Variants in NRCAM observed in about 807,000 individuals in gnomAD.
NRCAM encodes neuronal cell adhesion molecule.
NRCAM carries 83 observed loss-of-function variants against 156.5 expected under a neutral mutation model. The observed-to-expected ratio is 0.53, with a 90% confidence interval of 0.44 to 0.64. The LOEUF is 0.64. NRCAM is among the 30% of genes least tolerant of loss of function. The probability of loss-of-function intolerance (pLI) is 0.00; values close to 1 mark genes in which losing one functional copy is unlikely to be tolerated. For synonymous variants in NRCAM, 538 were observed against 563.9 expected (o/e 0.95, Z 0.65); for missense variants, 1,417 against 1,597.3 (o/e 0.89, Z 1.92).
intron 3 of NRCAM, among the ~76,000 whole-genome samples, chr7:108,255,307 C>T (rs1047407778): frequency 6.6e-6 from 1 of 152,126 alleles, no homozygotes; most frequent in Non-Finnish European, 1.5e-5. Flanking sequence ...CCTGGGATTG[C>T]AGGTGTGCGC....
chr7:108,365,395 T>C lies in NRCAM; in HGVS notation c.-174+34041A>G, dbSNP rs577749518. On this transcript the variant is annotated intron_variant, in intron 2 of 32. Coordinates refer to ENST00000379028, the MANE Select transcript of NRCAM (RefSeq NM_001037132.4). ...CATAAAATTATCTTCAAAAGTTTTA[T>C]TTTATTTTTCATTGACAAGTAATAG... Among the ~76,000 whole-genome samples, 4 of 152,074 alleles carry C rather than the reference T, an allele frequency of 2.6e-5. No individual in the cohort carries two copies. The South Asian group carries it at 8.3e-4, about 32-fold the overall frequency.
At chr7:108,258,690 A>G (rs766632651) in intron 3 of NRCAM, among the ~76,000 whole-genome samples, 1 of 151,920 alleles carries the variant, frequency 6.6e-6, no homozygotes, top group Non-Finnish European at 1.5e-5. Context: ...TAATTTACCT[A>G]CCTCCGGGGC....
At chr7:108,398,061 T>C (rs1223920900) in intron 2 of NRCAM, among the ~76,000 whole-genome samples, 1 of 152,218 alleles carries the variant, frequency 6.6e-6, no homozygotes, top group African/African-American at 2.4e-5. Context: ...TTTTTAACCA[T>C]TGCCTATAAC....
intron 1 of NRCAM, among the ~76,000 whole-genome samples, chr7:108,416,089 A>C (rs1343313229): frequency 6.6e-6 from 1 of 152,230 alleles, no homozygotes; most frequent in Non-Finnish European, 1.5e-5. Flanking sequence ...AGTCCAGAAG[A>C]GTGATTCTTC....
At chr7:108,191,662 TATCTTA>T in intron 18 of NRCAM, 61 bp downstream of exon 18, 1 of 1,491,450 alleles carries the variant, frequency 6.7e-7, no homozygotes. Flanking sequence ...TTATAATTTT[TATCTTA>T]TTTTTTCTTT....
At chr7:108,265,293 C>T (rs1056156321) in intron 3 of NRCAM, among the ~76,000 whole-genome samples, 2 of 152,154 alleles carry the variant, frequency 1.3e-5, no homozygotes, top group African/African-American at 4.8e-5. Flanking sequence ...TATCCTTGCC[C>T]CTGGGGGAGG....
chr7:108,382,712 A>T (rs1410526613), intron 2 of NRCAM, among the ~76,000 whole-genome samples: 5 of 152,172 alleles, frequency 3.3e-5, no homozygotes, highest in Non-Finnish European at 4.4e-5. Flanking sequence ...CAGATTAAGC[A>T]AGGACAGGAA....
At chr7:108,287,851 G>A (rs770781070) in intron 3 of NRCAM, among the ~76,000 whole-genome samples, 1 of 151,982 alleles carries the variant, frequency 6.6e-6, no homozygotes, top group South Asian at 2.1e-4. Flanking sequence ...TCTTGATCCT[G>A]TAATCCCATT....
intron 29 of NRCAM, among the ~76,000 whole-genome samples, chr7:108,167,745 T>C (rs1233266238): frequency 2.0e-5 from 3 of 152,222 alleles, no homozygotes; most frequent in Admixed American, 1.3e-4. Context: ...CATCTCCCAG[T>C]AGATGTGGCC....
At chr7:108,402,983 G>A (rs2099797332) in intron 1 of NRCAM, among the ~76,000 whole-genome samples, 1 of 152,198 alleles carries the variant, frequency 6.6e-6, no homozygotes, top group Non-Finnish European at 1.5e-5. Context: ...TCAGTCCCTT[G>A]AGTCATCTCA....
chr7:108,175,305 C>A lies in NRCAM; in HGVS notation c.3187+17G>T. 6.4e-7 allele frequency: 1 copy of A among 1,552,694 alleles called. No homozygotes were observed. The highest frequency in any genetic ancestry group is 8.7e-7 in the Non-Finnish European group (1 of 1,147,274). ...AATTTCACACATGTATAAAGTCATG[C>A]AGATGAATTATTTTACCTTTGCCTG... On this transcript the variant is annotated intron_variant, in intron 28 of 32. Coordinates refer to ENST00000379028, the MANE Select transcript of NRCAM (RefSeq NM_001037132.4).
intron 3 of NRCAM, among the ~76,000 whole-genome samples, chr7:108,281,101 C>T (rs1463757268): frequency 6.6e-6 from 1 of 152,034 alleles, no homozygotes; most frequent in Admixed American, 6.5e-5. Context: ...TTTTGAATGA[C>T]TGTATTTGTT....
intron 25 of NRCAM, 33 bp from the exon 26 acceptor site, chr7:108,178,145 T>C (rs1282676769): frequency 2.3e-5 from 36 of 1,599,282 alleles, no homozygotes; most frequent in Non-Finnish European, 3.1e-5. Flanking sequence ...AACACAAAGA[T>C]TTCTGAATGT....
intron 1 of NRCAM, among the ~76,000 whole-genome samples, chr7:108,448,877 A>G (rs1310841902): frequency 6.6e-6 from 1 of 152,250 alleles, no homozygotes; most frequent in East Asian, 1.9e-4. Flanking sequence ...CTTGTTGCAC[A>G]TCAAAACAAT....
At chr7:108,429,268 T>C (rs1821665037) in intron 1 of NRCAM, among the ~76,000 whole-genome samples, 2 of 152,160 alleles carry the variant, frequency 1.3e-5, no homozygotes, top group South Asian at 2.1e-4. Flanking sequence ...CTTGGCTCAC[T>C]GCAACCTCTG....
chr7:108,190,407 G>A (rs2153434685), intron 19 of NRCAM, among the ~76,000 whole-genome samples: 1 of 152,200 alleles, frequency 6.6e-6, no homozygotes, highest in East Asian at 1.9e-4. Flanking sequence ...TTCCCCCCAG[G>A]CCTTTATTTG....
intron 2 of NRCAM, among the ~76,000 whole-genome samples, chr7:108,356,131 T>C (rs1413607482): frequency 1.3e-5 from 2 of 152,072 alleles, no homozygotes; most frequent in African/African-American, 4.8e-5. Context: ...GTAGTTTTAG[T>C]AGAGACAGGG....
At chr7:108,377,459 G>A (rs555581625) in intron 2 of NRCAM, among the ~76,000 whole-genome samples, 3 of 152,280 alleles carry the variant, frequency 2.0e-5, no homozygotes, top group African/African-American at 7.2e-5. Context: ...GGAAATTATT[G>A]AGAGTGGATT....
chr7:108,218,701 A>C (rs1014867552), intron 11 of NRCAM, among the ~76,000 whole-genome samples: 3 of 152,194 alleles, frequency 2.0e-5, no homozygotes, highest in Non-Finnish European at 4.4e-5. Flanking sequence ...TCTGGGATAC[A>C]GCAGAGGCGG....
Sources: gnomAD v4.1 joint callset for allele counts (sites outside exome capture counted in the v4.1 genomes callset) on GRCh38, gnomAD v4.1.1 for gene constraint, MANE v1.5 for transcripts, NCBI Gene and HGNC (gene_info 2026-07-23, HGNC 2026-07-21) for gene names.